SLC8A1: variants seen among roughly 807,000 people sequenced by gnomAD.
SLC8A1 encodes solute carrier family 8 member A1, also known as sodium/calcium exchanger 1.
In SLC8A1, 18 loss-of-function variants were observed where a neutral mutation model predicts 68.3. The observed-to-expected ratio is 0.26, with a 90% CI of 0.18 to 0.39. The LOEUF (loss-of-function observed/expected upper bound fraction) is 0.39, where lower values mean the gene tolerates loss of function less well. SLC8A1 is among the 10% of genes least tolerant of loss of function. The probability of loss-of-function intolerance (pLI) is 1.00; values close to 1 mark genes in which losing one functional copy is unlikely to be tolerated. For synonymous variants in SLC8A1, 475 were observed against 415.5 expected, an observed-to-expected ratio of 1.14 and a Z score of -1.74; for missense variants, 985 against 1,156.7, an observed-to-expected ratio of 0.85 and a Z score of 2.15.
intron 7 of SLC8A1, among the ~76,000 whole-genome samples, chr2:40,121,153 G>A (rs1022271750): frequency 2.6e-5 from 4 of 152,176 alleles, no homozygotes; most frequent in African/African-American, 9.7e-5. Context: ...AGCCATGACT[G>A]TATTCTCTCT....
intron 2 of SLC8A1, among the ~76,000 whole-genome samples, chr2:40,404,527 T>G (rs750784406): frequency 5.9e-5 from 9 of 152,178 alleles, no homozygotes; most frequent in East Asian, 1.9e-4. Flanking sequence ...AGTTTGTGCA[T>G]GTTGAGGAAA....
exon 8 of SLC8A1, chr2:40,107,174 A>T (rs1482539082): frequency 1.3e-5 from 2 of 151,178 alleles, no homozygotes; most frequent in African/African-American, 4.9e-5. Context: ...ACACCAAAAC[A>T]CGTGTTTAGA....
At chr2:40,437,381 G>C (rs564025725) in intron 1 of SLC8A1, among the ~76,000 whole-genome samples, 1 of 152,038 alleles carries the variant, frequency 6.6e-6, no homozygotes, top group Non-Finnish European at 1.5e-5. Context: ...CACTCCCCAA[G>C]TAAGTATTGT....
chr2:40,286,298 C>T (rs1371198215), intron 2 of SLC8A1, among the ~76,000 whole-genome samples: 1 of 152,162 alleles, frequency 6.6e-6, no homozygotes, highest in Non-Finnish European at 1.5e-5. Flanking sequence ...TCAGCTGTTC[C>T]TTATTCAAGC....
At chr2:40,137,529 C>T (rs1230592194) in intron 7 of SLC8A1, among the ~76,000 whole-genome samples, 1 of 152,194 alleles carries the variant, frequency 6.6e-6, no homozygotes, top group Admixed American at 6.5e-5. Flanking sequence ...TGGACTCCAA[C>T]ATATTTTCCT....
chr2:40,412,973 A>T (rs1174221211), intron 2 of SLC8A1, among the ~76,000 whole-genome samples: 1 of 152,100 alleles, frequency 6.6e-6, no homozygotes, highest in Non-Finnish European at 1.5e-5. Flanking sequence ...ACATATGTAT[A>T]CATGTGCCAT....
intron 2 of SLC8A1, among the ~76,000 whole-genome samples, chr2:40,411,813 G>A (rs1009348822): frequency 2.6e-5 from 4 of 151,986 alleles, no homozygotes; most frequent in East Asian, 1.9e-4. Context: ...TCTGGTTTGT[G>A]AAATTACAAT....
chr2:40,494,109 C>A (rs183913293), intron 1 of SLC8A1, among the ~76,000 whole-genome samples: 2 of 151,998 alleles, frequency 1.3e-5, no homozygotes, highest in Admixed American at 1.3e-4. Context: ...ATTTGACCTG[C>A]ATTTTGTAAT....
At chr2:40,408,136 T>C (rs1043373830) in intron 2 of SLC8A1, among the ~76,000 whole-genome samples, 7 of 152,236 alleles carry the variant, frequency 4.6e-5, no homozygotes, top group African/African-American at 1.7e-4. Context: ...CTAGTTTCTT[T>C]TCTACCCTTT....
At chr2:40,378,441 A>C (rs888044261) in intron 2 of SLC8A1, among the ~76,000 whole-genome samples, 2 of 152,132 alleles carry the variant, frequency 1.3e-5, no homozygotes, top group African/African-American at 4.8e-5. Flanking sequence ...CAGATGGCTG[A>C]AGTAGAGTAT....
chr2:40,295,991 G>A lies in SLC8A1; in HGVS notation c.1809-118136C>T, dbSNP rs118034613. 2.8e-4 allele frequency among the ~76,000 whole-genome samples: 42 copies of A among 152,180 alleles called. 1 individual carries two copies. The East Asian group carries it at 4.6e-3, about 17-fold the overall frequency. ...GTATAGAGAGAAAGGCATTTCTAGCGCCCAGGCACCACAATGAGAATTTGA... is the reference window on the plus strand; with the variant it reads ...GTATAGAGAGAAAGGCATTTCTAGCACCCAGGCACCACAATGAGAATTTGA... On this transcript the variant is annotated intron_variant, in intron 2 of 7. Transcript: ENST00000406785.
chr2:40,340,811 G>C (rs148471642), intron 2 of SLC8A1, among the ~76,000 whole-genome samples: 1 of 152,152 alleles, frequency 6.6e-6, no homozygotes, highest in South Asian at 2.1e-4. Flanking sequence ...AAGCCTTAGA[G>C]GCCTGAGGGT....
At chr2:40,462,208 T>C (rs370814309) in intron 1 of SLC8A1, among the ~76,000 whole-genome samples, 1 of 151,768 alleles carries the variant, frequency 6.6e-6, no homozygotes, top group African/African-American at 2.4e-5. Context: ...GGTTTCACCA[T>C]GTTTGCCAGG....
chr2:40,393,259 C>G (rs893452439), intron 2 of SLC8A1, among the ~76,000 whole-genome samples: 2 of 151,986 alleles, frequency 1.3e-5, no homozygotes, highest in Non-Finnish European at 2.9e-5. Flanking sequence ...CCTCACAGCT[C>G]TGTATTACTT....
chr2:40,151,091 A>C (rs1023601643), intron 6 of SLC8A1, among the ~76,000 whole-genome samples: 3 of 152,182 alleles, frequency 2.0e-5, no homozygotes, highest in Admixed American at 1.3e-4. Context: ...AATACTTAAG[A>C]ACACTGAGAG....
intron 2 of SLC8A1, among the ~76,000 whole-genome samples, chr2:40,283,293 G>A (rs927230782): frequency 6.6e-6 from 1 of 152,216 alleles, no homozygotes; most frequent in African/African-American, 2.4e-5. Flanking sequence ...CATAGTAAGA[G>A]CCTGATGCTA....
intron 6 of SLC8A1, among the ~76,000 whole-genome samples, chr2:40,154,299 CTTTTTTTT>C (rs57350879): frequency 1.3e-5 from 1 of 74,938 alleles, no homozygotes; most frequent in South Asian, 4.9e-4. Flanking sequence ...TTTATTTATT[CTTTTTTTT>C]TTTTTTTTTT....
At chr2:40,102,936 G>T (rs1489809554) in exon 8 of SLC8A1, 2 of 152,154 alleles carry the variant, frequency 1.3e-5, no homozygotes, top group Non-Finnish European at 2.9e-5. Flanking sequence ...CTTGGCAGAA[G>T]TCTTAGTAAT....
chr2:40,202,441 TC>T (rs1470466123), intron 2 of SLC8A1, among the ~76,000 whole-genome samples: 1 of 152,016 alleles, frequency 6.6e-6, no homozygotes, highest in African/African-American at 2.4e-5. Flanking sequence ...TGATTATGTT[TC>T]TACCTGATTG....
Sources: gnomAD v4.1 joint callset for allele counts (sites outside exome capture counted in the v4.1 genomes callset) on GRCh38, gnomAD v4.1.1 for gene constraint, MANE v1.5 for transcripts, NCBI Gene and HGNC (gene_info 2026-07-23, HGNC 2026-07-21) for gene names.